Variants in CABCOCO1 observed in about 807,000 individuals in gnomAD.
CABCOCO1 encodes the protein ciliary-associated calcium-binding coiled-coil protein 1.
CABCOCO1 carries 28 observed loss-of-function variants against 35.7 expected under a neutral mutation model. The observed-to-expected ratio is 0.78, with a 90% CI of 0.58 to 1.07. The LOEUF is 1.07. Among genes scored for constraint, CABCOCO1 ranks in the 50% least tolerant of loss-of-function variants. The pLI is 0.00. For synonymous variants in CABCOCO1, 95 were observed against 100.1 expected, an observed-to-expected ratio of 0.95 and a Z score of 0.30; for missense variants, 326 against 309.2, an observed-to-expected ratio of 1.05 and a Z score of -0.41.
chr10:61,757,435 G>C (rs148205435), intron 5 of CABCOCO1, among the ~76,000 whole-genome samples: 5 of 152,066 alleles, frequency 3.3e-5, no homozygotes, highest in Admixed American at 6.6e-5. Flanking sequence ...CTTCATAAAG[G>C]AGAAAAACTG....
At chr10:61,698,664 AC>A (rs1210075623) in intron 5 of CABCOCO1, among the ~76,000 whole-genome samples, 1 of 152,048 alleles carries the variant, frequency 6.6e-6, no homozygotes, top group Admixed American at 6.6e-5. Context: ...AAAATAAAAC[AC>A]TTTTTCCTTC....
In CABCOCO1 at chr10:61,686,082, G is replaced by A. The variant is rs1488992779; in HGVS notation, c.376G>A (p.Glu126Lys). 5.0e-6 allele frequency: 8 copies of A among 1,607,928 alleles called. No individual in the cohort carries two copies. The highest frequency in any genetic ancestry group is 6.8e-6 in the Non-Finnish European group (8 of 1,178,496). ...AGAGGAAAGCATAAAATGGCTTGGA[G>A]AAGTTATGGCTGAAATAGGACCAAC... ...SLEESIKWLG[E>K]VMAEIGPTHS... Residue 126 changes from glutamate (E) to lysine (K), a missense_variant, in exon 4 of 8, where the codon GAA becomes AAA. Coordinates refer to ENST00000648843, the MANE Select transcript of CABCOCO1 (RefSeq NM_001366906.2).
At chr10:61,679,329 C>A (rs5785492) in intron 2 of CABCOCO1, among the ~76,000 whole-genome samples, 34,840 of 142,090 alleles carry the variant, frequency 0.25, 4,514 homozygotes, top group South Asian at 0.33. Context: ...ATATCTATAT[C>A]TATCTATATC....
At chr10:61,765,329 A>G (rs1395139488) in intron 7 of CABCOCO1, among the ~76,000 whole-genome samples, 1 of 152,226 alleles carries the variant, frequency 6.6e-6, no homozygotes, top group Non-Finnish European at 1.5e-5. Context: ...GATCGCTGCC[A>G]GAGGCAAAAT....
At chr10:61,707,462 A>G (rs1237950753) in intron 5 of CABCOCO1, among the ~76,000 whole-genome samples, 8 of 152,172 alleles carry the variant, frequency 5.3e-5, no homozygotes. Context: ...GCCATTTTCT[A>G]CTTATCACCT....
In CABCOCO1 at chr10:61,718,474, A is replaced by G. The variant is rs1840921268; in HGVS notation, c.552+27853A>G. ...AAAGCAACCACAGTTTGTTTTAAAAAGGTATGAATAATTTTGCATATGCAT... is the reference window on the plus strand; with the variant it reads ...AAAGCAACCACAGTTTGTTTTAAAAGGGTATGAATAATTTTGCATATGCAT... On this transcript the variant is annotated intron_variant, in intron 5 of 7. Coordinates refer to ENST00000648843, the MANE Select transcript of CABCOCO1 (RefSeq NM_001366906.2). 2.0e-5 allele frequency among the ~76,000 whole-genome samples: 3 copies of G among 152,322 alleles called. No homozygotes were observed. The South Asian group carries it at 6.2e-4, about 32-fold the overall frequency.
chr10:61,733,741 A>G (rs951104568), intron 5 of CABCOCO1, among the ~76,000 whole-genome samples: 2 of 152,062 alleles, frequency 1.3e-5, no homozygotes, highest in Non-Finnish European at 2.9e-5. Flanking sequence ...ACAAACCGAG[A>G]CTTGTCAGCA....
At chr10:61,679,335 A>C (rs10994873) in intron 2 of CABCOCO1, among the ~76,000 whole-genome samples, 3 of 134,350 alleles carry the variant, frequency 2.2e-5, no homozygotes, top group Non-Finnish European at 3.3e-5. Flanking sequence ...ATATCTATCT[A>C]TATCTATCTA....
rs79420222 is a variant in CABCOCO1, at chr10:61,726,628, G to A, written c.553-33431G>A. Among the ~76,000 whole-genome samples the A allele has an allele frequency of 8.0e-4, 121 of 151,902 alleles. 2 individuals are homozygous for A. In the East Asian group the frequency reaches 0.021, roughly 27 times the overall value. ...CAATAAAATCCCTTTATCTGGTGGG[G>A]AAAATATTGTAAGAGGGGTTACTTT... On this transcript the variant is annotated intron_variant, in intron 5 of 7. Transcript: ENST00000648843.
At chr10:61,676,380 A>G (rs1839512862) in intron 2 of CABCOCO1, among the ~76,000 whole-genome samples, 1 of 152,208 alleles carries the variant, frequency 6.6e-6, no homozygotes, top group African/African-American at 2.4e-5. Flanking sequence ...AATTAAATCC[A>G]ATATGGTAAT....
intron 5 of CABCOCO1, among the ~76,000 whole-genome samples, chr10:61,700,502 A>G (rs1050440828): frequency 1.1e-4 from 17 of 152,070 alleles, no homozygotes; most frequent in African/African-American, 3.4e-4. Flanking sequence ...TTAAAATGAA[A>G]CCATTGGCTT....
At chr10:61,696,834 T>G (rs1840308790) in intron 5 of CABCOCO1, among the ~76,000 whole-genome samples, 1 of 151,964 alleles carries the variant, frequency 6.6e-6, no homozygotes, top group Non-Finnish European at 1.5e-5. Flanking sequence ...AAATAGTTTC[T>G]TTGATAAAAT....
chr10:61,694,390 C>A (rs1049031832), intron 5 of CABCOCO1, among the ~76,000 whole-genome samples: 2 of 149,988 alleles, frequency 1.3e-5, no homozygotes, highest in Admixed American at 1.3e-4. Flanking sequence ...CCTGTGCATA[C>A]GTGGATTTTT....
At chr10:61,673,850 A>G (rs1839432011) in intron 2 of CABCOCO1, among the ~76,000 whole-genome samples, 1 of 152,224 alleles carries the variant, frequency 6.6e-6, no homozygotes, top group South Asian at 2.1e-4. Flanking sequence ...TACCATTTTT[A>G]TAGAAATTAA....
intron 5 of CABCOCO1, among the ~76,000 whole-genome samples, chr10:61,699,887 A>C (rs1015084616): frequency 3.9e-5 from 6 of 152,118 alleles, no homozygotes; most frequent in African/African-American, 1.2e-4. Flanking sequence ...TGAGTATAGG[A>C]GTTACATACA....
At chr10:61,750,815 G>T (rs543277804) in intron 5 of CABCOCO1, among the ~76,000 whole-genome samples, 2 of 152,248 alleles carry the variant, frequency 1.3e-5, no homozygotes, top group East Asian at 3.9e-4. Flanking sequence ...ATTTTTAGAT[G>T]AATGGATAGA....
intron 5 of CABCOCO1, among the ~76,000 whole-genome samples, chr10:61,748,459 A>G (rs1018519303): frequency 2.0e-5 from 3 of 152,186 alleles, no homozygotes; most frequent in African/African-American, 7.2e-5. Context: ...CTTTTTCTAC[A>G]TGCCAGGCAC....
intron 5 of CABCOCO1, among the ~76,000 whole-genome samples, chr10:61,728,106 C>A (rs1019083593): frequency 2.0e-5 from 3 of 152,298 alleles, no homozygotes; most frequent in African/African-American, 7.2e-5. Flanking sequence ...TTTGTTTCAA[C>A]ATGCTTTTGA....
chr10:61,681,238 G>A lies in CABCOCO1; in HGVS notation c.260G>A (p.Arg87Lys). The A allele has an allele frequency of 1.3e-6, 2 of 1,573,000 alleles. No individual in the cohort carries two copies. Among genetic ancestry groups the A allele is most frequent in the Non-Finnish European group, 1.7e-6 (2 of 1,154,028 alleles). Reference sequence around the variant, plus strand: ...TATGTATCTGGATTTTTGTGGGCTAGAGGAATGGATTTCTCTATTATTCAG... The same window carrying A: ...TATGTATCTGGATTTTTGTGGGCTAAAGGAATGGATTTCTCTATTATTCAG... ...DYYVSGFLWA[R>K]GMDFSIIQYS... The change falls in exon 3 of 8, where the codon AGA (arginine) becomes AAA (lysine). Residue 87 changes from arginine to lysine, a missense_variant. By Grantham distance (26) the Arg-to-Lys change is conservative. Coordinates refer to ENST00000648843, the MANE Select transcript of CABCOCO1 (RefSeq NM_001366906.2).
Sources: allele counts gnomAD v4.1 joint callset (sites outside exome capture counted in the v4.1 genomes callset), GRCh38; gene constraint gnomAD v4.1.1; transcripts MANE v1.5; gene names NCBI Gene and HGNC (gene_info 2026-07-23, HGNC 2026-07-21).